SEMA4B: variants seen among roughly 807,000 people sequenced by gnomAD.
SEMA4B encodes the protein semaphorin-4B.
Under a neutral mutation model 88.1 loss-of-function variants are expected in SEMA4B, and 55 were observed. That is an observed-to-expected ratio of 0.62 (90% CI 0.50 to 0.78). The LOEUF is 0.78. Ranked by LOEUF, SEMA4B falls within the 30% of genes least tolerant of loss-of-function variation. The pLI is 0.00. For missense variants in SEMA4B, 1,062 were observed against 1,111.9 expected (o/e 0.96, Z 0.64); for synonymous variants, 525 against 473.6 (o/e 1.11, Z -1.41).
At chr15:90,213,400 C>T (rs1410578409) in intron 1 of SEMA4B, among the ~76,000 whole-genome samples, 3 of 152,240 alleles carry the variant, frequency 2.0e-5, no homozygotes, top group African/African-American at 7.2e-5. Flanking sequence ...GGGCCCTTCA[C>T]CCCCCTCTCC....
At chr15:90,216,572 A>G (rs1961542270) in intron 1 of SEMA4B, among the ~76,000 whole-genome samples, 1 of 152,176 alleles carries the variant, frequency 6.6e-6, no homozygotes, top group African/African-American at 2.4e-5. Flanking sequence ...CTGTGTAATA[A>G]CCATCAGTCT....
chr15:90,223,559 G>A lies in SEMA4B; in HGVS notation c.862G>A (p.Gly288Ser), dbSNP rs1209640378. 1 of 1,582,880 alleles carries A rather than the reference G, an allele frequency of 6.3e-7. No homozygotes were observed. Among genetic ancestry groups the A allele is most frequent in the Non-Finnish European group, 8.6e-7 (1 of 1,162,056 alleles). The part of the protein sequence containing the change: ...IVSRIARICK[G>S]DEGGERVLQQ... Reference sequence around the variant, plus strand: ...CCAGCCCATCCGACTCTCCCTCCAGGGCGATGAGGGTGGAGAGCGGGTGCT... The same window carrying A: ...CCAGCCCATCCGACTCTCCCTCCAGAGCGATGAGGGTGGAGAGCGGGTGCT... The change falls in exon 8 of 14, where the codon GGC (glycine) becomes AGC (serine). Residue 288 changes from glycine (G) to serine (S), a missense_variant and splice_region_variant. Coordinates refer to ENST00000411539, the MANE Select transcript of SEMA4B (RefSeq NM_198925.4).
In SEMA4B at chr15:90,229,408, T is replaced by C. The variant is rs1962389890; in HGVS notation, c.*765T>C. On this transcript the variant is annotated 3_prime_UTR_variant, in exon 14 of 14. Coordinates refer to ENST00000411539, the MANE Select transcript of SEMA4B (RefSeq NM_198925.4). ...ACTGTCGCCTGCCTTCCTCCGTTGT[T>C]GCGTGAGAACCCGTGTGCCCCTTCC... The C allele has an allele frequency of 2.2e-6, 1 of 456,532 alleles. No homozygotes were observed. The highest frequency in any genetic ancestry group is 2.0e-5 in the African/African-American group (1 of 50,052). 28.3% of individuals were successfully genotyped at this position (456,532 alleles called of 1,614,324 possible). A position where few individuals can be genotyped will look rare whatever the true frequency, so the allele number is the denominator to read the frequency against.
chr15:90,206,635 G>A, intron 1 of SEMA4B: 1 of 646,882 alleles, frequency 1.5e-6, no homozygotes, highest in Non-Finnish European at 2.8e-6. Flanking sequence ...AAGAGCTGTT[G>A]AAGACAGCCC....
chr15:90,205,433 C>T (rs1227754915), intron 1 of SEMA4B, among the ~76,000 whole-genome samples: 4 of 152,086 alleles, frequency 2.6e-5, no homozygotes, highest in African/African-American at 9.7e-5. Flanking sequence ...GAGTGGAAGG[C>T]GCTCTAACTG....
At chr15:90,214,650 A>AG (rs972548260) in intron 1 of SEMA4B, among the ~76,000 whole-genome samples, 16 of 150,018 alleles carry the variant, frequency 1.1e-4, no homozygotes, top group South Asian at 4.2e-4. Context: ...AAAAAAAAAA[A>AG]AAAAGGCTGA....
Position 90,225,116 on chromosome 15 carries a change from G to A in SEMA4B, c.1343G>A (p.Arg448His), listed in dbSNP as rs771163585. 1.1e-5 allele frequency: 17 copies of A among 1,613,452 alleles called. No individual in the cohort carries two copies. Among genetic ancestry groups the A allele is most frequent in the East Asian group, 4.5e-5 (2 of 44,884 alleles). ...CTGCAGCCCCAGGCTCGCTACCAGC[G>A]CGTGGCTGTACACCGCGTCCCTGGC... is the stretch of plus-strand genomic sequence containing the variant. ...LLLQPQARYQRVAVHRVPGLH... is the reference protein window; with the variant it reads ...LLLQPQARYQHVAVHRVPGLH... Residue 448 changes from arginine (R) to histidine (H), a missense_variant, in exon 10 of 14, where the codon CGC becomes CAC. Physicochemically the swap from Arg to His is conservative, Grantham distance 29. Coordinates refer to ENST00000411539, the MANE Select transcript of SEMA4B (RefSeq NM_198925.4).
intron 1 of SEMA4B, among the ~76,000 whole-genome samples, chr15:90,215,299 C>T (rs1961481809): frequency 6.7e-6 from 1 of 150,356 alleles, no homozygotes; most frequent in Non-Finnish European, 1.5e-5. Flanking sequence ...AAAATGATAA[C>T]AAGTAAAAAA....
chr15:90,201,951 C>T (rs1011539377), intron 1 of SEMA4B, among the ~76,000 whole-genome samples: 4 of 152,228 alleles, frequency 2.6e-5, no homozygotes, highest in African/African-American at 9.6e-5. Context: ...TTTCTTTCTG[C>T]GTAGGGATGG....
intron 1 of SEMA4B, chr15:90,206,996 C>CA (rs1961025024): frequency 2.2e-6 from 1 of 460,964 alleles, no homozygotes; most frequent in Admixed American, 3.2e-5. Flanking sequence ...ACAAAAAAAA[C>CA]AAAAAAAGCC....
At chr15:90,220,469 G>A (rs1410900642) in intron 4 of SEMA4B, among the ~76,000 whole-genome samples, 1 of 144,778 alleles carries the variant, frequency 6.9e-6, no homozygotes, top group African/African-American at 2.6e-5. Flanking sequence ...CTGGGTTCAC[G>A]CCATTCTCCT....
intron 1 of SEMA4B, among the ~76,000 whole-genome samples, chr15:90,202,017 G>A (rs1324929270): frequency 2.0e-5 from 3 of 152,250 alleles, no homozygotes; most frequent in Non-Finnish European, 4.4e-5. Context: ...CACTTTCGGC[G>A]GGGTCCGCCT....
At chr15:90,186,095 A>C (rs1471479125) in intron 1 of SEMA4B, among the ~76,000 whole-genome samples, 1 of 151,794 alleles carries the variant, frequency 6.6e-6, no homozygotes, top group Non-Finnish European at 1.5e-5. Flanking sequence ...CACCATGCCA[A>C]GCTAATTTTT....
chr15:90,221,109 A>G lies in SEMA4B; in HGVS notation c.595+16A>G, dbSNP rs753869030. On this transcript the variant is annotated intron_variant, in intron 5 of 13. Transcript: ENST00000411539. ...CTGGTGGTTGGTGAGTGTTGAGGGC[A>G]GGATGGCTTCATTGAGGTTCCATGT... The G allele has an allele frequency of 3.8e-6, 6 of 1,574,370 alleles. No homozygotes were observed. The African/African-American group carries it at 8.1e-5, about 21-fold the overall frequency.
At chr15:90,205,684 C>A (rs1237440185) in intron 1 of SEMA4B, among the ~76,000 whole-genome samples, 1 of 152,230 alleles carries the variant, frequency 6.6e-6, no homozygotes, top group Non-Finnish European at 1.5e-5. Flanking sequence ...GCTAGAAACC[C>A]CCTGCCAGCC....
intron 1 of SEMA4B, among the ~76,000 whole-genome samples, chr15:90,194,524 C>T (rs1960442531): frequency 6.6e-6 from 1 of 151,656 alleles, no homozygotes; most frequent in Admixed American, 6.6e-5. Flanking sequence ...AAGAGTGAAA[C>T]ACCATCTCAA....
chr15:90,225,604 T>C, intron 11 of SEMA4B, 57 bp from the exon 12 acceptor site: 1 of 1,535,650 alleles, frequency 6.5e-7, no homozygotes, highest in Non-Finnish European at 8.8e-7. Flanking sequence ...CGGGTGGCCA[T>C]GGGTGATGGC....
chr15:90,188,790 C>A (rs1780047637), intron 1 of SEMA4B, among the ~76,000 whole-genome samples: 2 of 151,970 alleles, frequency 1.3e-5, no homozygotes, highest in Non-Finnish European at 2.9e-5. Context: ...GCCTCAGCCT[C>A]CCGAGTAGCT....
chr15:90,228,877 T>A lies in SEMA4B; in HGVS notation c.*234T>A. 1.7e-6 allele frequency: 1 copy of A among 596,952 alleles called. No individual in the cohort carries two copies. The highest frequency in any genetic ancestry group is 3.0e-6 in the Non-Finnish European group (1 of 338,418). 37.0% of individuals were successfully genotyped at this position (596,952 alleles called of 1,614,324 possible). A position where few individuals can be genotyped will look rare whatever the true frequency, so the allele number is the denominator to read the frequency against. On this transcript the variant is annotated 3_prime_UTR_variant, in exon 14 of 14. Transcript: ENST00000411539. Reference sequence around the variant, plus strand: ...TCCTGGCCAAATATGGGGGCCTGCCTAGGTTGGTGGAACAGTGCTCCTTAT... The same window carrying A: ...TCCTGGCCAAATATGGGGGCCTGCCAAGGTTGGTGGAACAGTGCTCCTTAT...
Sources: allele counts gnomAD v4.1 joint callset (sites outside exome capture counted in the v4.1 genomes callset), GRCh38; gene constraint gnomAD v4.1.1; transcripts MANE v1.5; gene names NCBI Gene and HGNC (gene_info 2026-07-23, HGNC 2026-07-21).